Variants in EBF2 observed in about 807,000 individuals in gnomAD.
EBF2 encodes the protein EBF transcription factor 2, also known as transcription factor COE2.
A neutral mutation model predicts 72.8 loss-of-function variants in EBF2; 21 were observed. The observed-to-expected ratio is 0.29, with a 90% confidence interval of 0.20 to 0.42. The LOEUF (loss-of-function observed/expected upper bound fraction) is 0.42, where lower values mean the gene tolerates loss of function less well. Ranked by LOEUF, EBF2 falls within the 10% of genes least tolerant of loss-of-function variation. EBF2 has a pLI of 1.00. For missense variants in EBF2, 637 were observed against 731.2 expected, an observed-to-expected ratio of 0.87 and a Z score of 1.49; for synonymous variants, 299 against 274.2, an observed-to-expected ratio of 1.09 and a Z score of -0.89.
At chr8:26,038,725 C>T (rs886461726) in intron 5 of EBF2, among the ~76,000 whole-genome samples, 7 of 152,216 alleles carry the variant, frequency 4.6e-5, no homozygotes, top group Non-Finnish European at 1.0e-4. Context: ...CCTCCCAATG[C>T]CTTCCCCCCA....
At chr8:26,009,129 AAC>A (rs1190564472) in intron 6 of EBF2, among the ~76,000 whole-genome samples, 235 of 4,858 alleles carry the variant, frequency 0.048, 2 homozygotes, top group East Asian at 0.17. Flanking sequence ...AAAAAAAAAA[AAC>A]CACCATGGGA....
chr8:25,937,380 T>A (rs1286039570), intron 6 of EBF2, among the ~76,000 whole-genome samples: 1 of 152,202 alleles, frequency 6.6e-6, no homozygotes. Context: ...TCAGCAGCCC[T>A]CCCTGTAGTG....
Position 25,926,341 on chromosome 8 carries a change from G to T in EBF2, c.552-17786C>A, listed in dbSNP as rs73677434. Among the ~76,000 whole-genome samples, 497 of 152,234 alleles carry T rather than the reference G, an allele frequency of 3.3e-3. 1 individual carries two copies. Among genetic ancestry groups the T allele is most frequent in the African/African-American group, 0.011 (476 of 41,534 alleles). Reference sequence around the variant, plus strand: ...AAAGAGAGTATTTTGGAAACATTGTGTCGGGCCTGGGATGTGTCTCCTCTC... The same window carrying T: ...AAAGAGAGTATTTTGGAAACATTGTTTCGGGCCTGGGATGTGTCTCCTCTC... On this transcript the variant is annotated intron_variant, in intron 6 of 15. Coordinates refer to ENST00000520164, the MANE Select transcript of EBF2 (RefSeq NM_022659.4).
chr8:25,864,721 G>T (rs80213212), intron 10 of EBF2, among the ~76,000 whole-genome samples: 2 of 151,766 alleles, frequency 1.3e-5, no homozygotes, highest in Non-Finnish European at 2.9e-5. Context: ...TATTGAGGTT[G>T]TAATACATAT....
At chr8:26,000,036 A>G (rs1195475923) in intron 6 of EBF2, among the ~76,000 whole-genome samples, 1 of 152,142 alleles carries the variant, frequency 6.6e-6, no homozygotes, top group Admixed American at 6.5e-5. Context: ...GAAACTCATA[A>G]CAGCGGGCCA....
At chr8:25,930,181 T>C (rs1192588907) in intron 6 of EBF2, among the ~76,000 whole-genome samples, 2 of 152,140 alleles carry the variant, frequency 1.3e-5, no homozygotes, top group South Asian at 2.1e-4. Context: ...GAATCAGGTA[T>C]ACTTCTTGAC....
chr8:25,850,828 A>C, intron 14 of EBF2, 67 bp from the exon 15 acceptor site: 1 of 1,488,696 alleles, frequency 6.7e-7, no homozygotes, highest in Non-Finnish European at 8.9e-7. Context: ...CATTTGGCAC[A>C]CATTTATTGA....
intron 7 of EBF2, among the ~76,000 whole-genome samples, chr8:25,903,097 T>A (rs181685584): frequency 2.0e-4 from 31 of 152,274 alleles, no homozygotes; most frequent in Middle Eastern, 3.4e-3. Flanking sequence ...CATATATATT[T>A]ATAGGGTTCA....
At chr8:25,938,199 T>A (rs1298039980) in intron 6 of EBF2, among the ~76,000 whole-genome samples, 1 of 152,170 alleles carries the variant, frequency 6.6e-6, no homozygotes, top group Non-Finnish European at 1.5e-5. Flanking sequence ...CAAGGCCAGA[T>A]GGAAACTCAC....
intron 6 of EBF2, among the ~76,000 whole-genome samples, chr8:26,016,306 A>C (rs925734143): frequency 6.6e-6 from 1 of 152,234 alleles, no homozygotes; most frequent in Non-Finnish European, 1.5e-5. Flanking sequence ...TTAGTGATAC[A>C]GACCAGCAGG....
At chr8:26,009,695 A>C (rs1804945540) in intron 6 of EBF2, among the ~76,000 whole-genome samples, 1 of 152,222 alleles carries the variant, frequency 6.6e-6, no homozygotes, top group South Asian at 2.1e-4. Context: ...TGCCAATAAC[A>C]GCTGGGCAGA....
At chr8:25,852,881 T>TTAAAAACTTTTTTTAAG (rs1802011432) in intron 14 of EBF2, among the ~76,000 whole-genome samples, 1 of 150,914 alleles carries the variant, frequency 6.6e-6, no homozygotes, top group Non-Finnish European at 1.5e-5. Flanking sequence ...GAAGTTTTGT[T>TTAAAAACTTTTTTTAAG]TAAAAACTTT....
chr8:26,044,997 GAAA>G lies in EBF2; in HGVS notation c.-141_-139del. ...ATCAAGTGCCCAAGTTTGAGTCTTA[GAAA>G]AAAAAAAAAGATAACCCGTCCTTTG... On this transcript the variant is annotated 5_prime_UTR_variant, in exon 1 of 16. Coordinates refer to ENST00000520164, the MANE Select transcript of EBF2 (RefSeq NM_022659.4). This position sits in a 1 kb window ranked among gnomAD's most constrained non-coding sequence, Gnocchi z 4.1. 4 of 653,534 alleles carry G rather than the reference GAAA, an allele frequency of 6.1e-6. No individual in the cohort carries two copies. Among genetic ancestry groups the G allele is most frequent in the South Asian group, 2.8e-5 (1 of 35,652 alleles). The allele number at this position is 653,534 out of a possible 1,614,324, so 40.5% of individuals were successfully genotyped here.
At chr8:25,894,020 G>A (rs1303305518) in intron 7 of EBF2, among the ~76,000 whole-genome samples, 2 of 152,136 alleles carry the variant, frequency 1.3e-5, no homozygotes, top group Admixed American at 6.6e-5. Flanking sequence ...GCATGTGTAC[G>A]TATAGATATG....
At chr8:26,025,920 A>G (rs974603918) in intron 6 of EBF2, among the ~76,000 whole-genome samples, 26 of 152,212 alleles carry the variant, frequency 1.7e-4, no homozygotes, top group African/African-American at 5.5e-4. Flanking sequence ...ACCAGTAATC[A>G]CAACACTGTG....
intron 13 of EBF2, among the ~76,000 whole-genome samples, 160 bp downstream of exon 13, chr8:25,860,889 A>G (rs928190441): frequency 6.6e-5 from 10 of 152,252 alleles, no homozygotes; most frequent in African/African-American, 2.2e-4. Flanking sequence ...ACTCTAATAA[A>G]GTACCATCTA....
intron 10 of EBF2, among the ~76,000 whole-genome samples, chr8:25,875,331 A>C (rs1802505320): frequency 6.6e-6 from 1 of 152,178 alleles, no homozygotes; most frequent in Admixed American, 6.5e-5. Context: ...TAATGGGGTA[A>C]GTATATCCTC....
chr8:25,886,160 A>C (rs1342696843), intron 10 of EBF2, among the ~76,000 whole-genome samples: 1 of 152,198 alleles, frequency 6.6e-6, no homozygotes, highest in Non-Finnish European at 1.5e-5. Flanking sequence ...ATTCATCGGA[A>C]TTACCAAACA....
intron 10 of EBF2, among the ~76,000 whole-genome samples, chr8:25,875,415 C>T (rs1802506146): frequency 6.6e-6 from 1 of 152,234 alleles, no homozygotes; most frequent in African/African-American, 2.4e-5. Flanking sequence ...CCTGCCTCTT[C>T]ACTCTGTCAT....
Sources: allele counts gnomAD v4.1 joint callset (sites outside exome capture counted in the v4.1 genomes callset), GRCh38; gene constraint gnomAD v4.1.1; non-coding constraint Gnocchi (gnomAD v3.1); transcripts MANE v1.5; gene names NCBI Gene and HGNC (gene_info 2026-07-23, HGNC 2026-07-21).